MRTFB: variants seen among roughly 807,000 people sequenced by gnomAD.
The protein encoded by MRTFB is myocardin related transcription factor B.
Under a neutral mutation model 104.2 loss-of-function variants are expected in MRTFB, and 29 were observed. The ratio of observed to expected loss-of-function variants is 0.28; its 90% CI spans 0.21 to 0.38. MRTFB has a LOEUF of 0.38. Ranked by LOEUF, MRTFB falls within the 10% of genes least tolerant of loss-of-function variation. MRTFB has a pLI of 1.00. For synonymous variants in MRTFB, 535 were observed against 519.5 expected (o/e 1.03, Z -0.41); for missense variants, 1,270 against 1,341.6 (o/e 0.95, Z 0.83).
chr16:14,183,868 A>G (rs2039851731), intron 3 of MRTFB, among the ~76,000 whole-genome samples: 1 of 152,116 alleles, frequency 6.6e-6, no homozygotes, highest in South Asian at 2.1e-4. Context: ...GAGATCTATT[A>G]GATACAAAAA....
chr16:14,105,409 T>C (rs1205114229), intron 2 of MRTFB, among the ~76,000 whole-genome samples: 1 of 152,286 alleles, frequency 6.6e-6, no homozygotes, highest in East Asian at 1.9e-4. Flanking sequence ...ATGATTTTTT[T>C]TTTTTTGAGA....
the MRTFB span, among the ~76,000 whole-genome samples, chr16:14,005,328 G>C: frequency 1.3e-5 from 2 of 152,208 alleles, no homozygotes; most frequent in Non-Finnish European, 2.9e-5. Context: ...TACTCAGGGA[G>C]TACTGATTGA....
At chr16:14,260,636 A>G (rs2043733275) in intron 16 of MRTFB, among the ~76,000 whole-genome samples, 2 of 152,222 alleles carry the variant, frequency 1.3e-5, no homozygotes, top group African/African-American at 4.8e-5. Context: ...AGCATATCAG[A>G]ATGTAATAAA....
At chr16:14,005,565 C>T in the MRTFB span, among the ~76,000 whole-genome samples, 1 of 152,154 alleles carries the variant, frequency 6.6e-6, no homozygotes, top group African/African-American at 2.4e-5. Context: ...TGTTGAGAGG[C>T]CATGCTGGTA....
intron 3 of MRTFB, among the ~76,000 whole-genome samples, chr16:14,190,303 G>A (rs916337664): frequency 2.6e-5 from 4 of 152,102 alleles, no homozygotes; most frequent in Non-Finnish European, 4.4e-5. Context: ...GTCTACAAAC[G>A]GCTTCAAACA....
At chr16:14,144,062 G>A (rs2038165602) in intron 3 of MRTFB, 1 of 152,180 alleles carries the variant, frequency 6.6e-6, no homozygotes, top group Non-Finnish European at 1.5e-5. Context: ...TGGGAATAAT[G>A]TATTGGTTTT....
At chr16:14,114,242 C>A (rs1385805234) in intron 2 of MRTFB, among the ~76,000 whole-genome samples, 1 of 152,200 alleles carries the variant, frequency 6.6e-6, no homozygotes, top group Non-Finnish European at 1.5e-5. Context: ...TAGTGCTTTA[C>A]AAAGTTGGCA....
At chr16:14,147,969 T>C (rs2038405981) in intron 3 of MRTFB, among the ~76,000 whole-genome samples, 1 of 152,192 alleles carries the variant, frequency 6.6e-6, no homozygotes, top group South Asian at 2.1e-4. Flanking sequence ...TTTAGACAAC[T>C]TTTCTATAGT....
chr16:14,104,453 A>G (rs2035867135), intron 2 of MRTFB, among the ~76,000 whole-genome samples: 1 of 152,192 alleles, frequency 6.6e-6, no homozygotes, highest in African/African-American at 2.4e-5. Flanking sequence ...ATGCCTGTAC[A>G]TTTTACACTC....
At chr16:14,226,066 G>A (rs1175037373) in intron 8 of MRTFB, among the ~76,000 whole-genome samples, 2 of 152,104 alleles carry the variant, frequency 1.3e-5, no homozygotes, top group Non-Finnish European at 2.9e-5. Flanking sequence ...AGAGGAGAAT[G>A]GAATCAAAAC....
intron 3 of MRTFB, among the ~76,000 whole-genome samples, chr16:14,176,395 T>C (rs1055055600): frequency 6.6e-5 from 10 of 152,224 alleles, no homozygotes; most frequent in African/African-American, 2.4e-4. Flanking sequence ...CAAGTGTTGA[T>C]GTTGAGAGAA....
Position 14,140,699 on chromosome 16 carries a change from A to G in MRTFB, c.93A>G (p.Glu31=). The G allele has an allele frequency of 6.2e-7, 1 of 1,614,160 alleles. No individual in the cohort carries two copies. Among genetic ancestry groups the G allele is most frequent in the Non-Finnish European group, 8.5e-7 (1 of 1,180,026 alleles). The change falls in exon 3 of 17, where the codon GAA becomes GAG. Residue 31 remains glutamate, a synonymous_variant. Transcript: ENST00000571589. ...CTCAGAGTGAAGCTGTGGCTCATGA[A>G]TTCCAGGAACTCTCCTTGCAGTCCA... is the stretch of plus-strand genomic sequence containing the variant. ...PSPQSEAVAH[E]FQELSLQSSQ...
chr16:14,252,280 T>C (rs1278062667), intron 14 of MRTFB, 85 bp from the exon 15 acceptor site: 3 of 1,543,216 alleles, frequency 1.9e-6, no homozygotes, highest in Non-Finnish European at 2.6e-6. Context: ...GGCCACTACA[T>C]AGAGAACAGC....
At chr16:14,193,174 C>T (rs1043176806) in intron 3 of MRTFB, among the ~76,000 whole-genome samples, 1 of 122,744 alleles carries the variant, frequency 8.1e-6, no homozygotes, top group Non-Finnish European at 1.6e-5. Context: ...TATTGCGTCA[C>T]TGCACTCCAA....
At position 14,231,362 on chromosome 16, in the gene MRTFB, T is replaced by TTAAG. The variant is rs1197949049; in HGVS notation, c.694-2781_694-2778dup. Among the ~76,000 whole-genome samples, 94 of 152,202 alleles carry TTAAG rather than the reference T, an allele frequency of 6.2e-4. 1 individual carries two copies. Among genetic ancestry groups the TTAAG allele is most frequent in the Admixed American group, 2.6e-4 (4 of 15,280 alleles). On this transcript the variant is annotated intron_variant, in intron 8 of 16. Transcript: ENST00000571589. ...GAATTTACTGTGGAACAAAATAAGTTTAAGTATCTCTTATGGCCTGAATAC... is the reference window on the plus strand; with the variant it reads ...GAATTTACTGTGGAACAAAATAAGTTTAAGTAAGTATCTCTTATGGCCTGAATAC...
At chr16:14,249,557 T>C (rs2043167664) in intron 13 of MRTFB, among the ~76,000 whole-genome samples, 1 of 152,168 alleles carries the variant, frequency 6.6e-6, no homozygotes, top group Non-Finnish European at 1.5e-5. Flanking sequence ...TCTTATCAAT[T>C]CCAGTTCACC....
At chr16:14,193,210 CAAAAAAAAAAAAAAAAAA>C (rs10616011) in intron 3 of MRTFB, among the ~76,000 whole-genome samples, 3 of 56,438 alleles carry the variant, frequency 5.3e-5, no homozygotes, top group Non-Finnish European at 9.2e-5. Context: ...GACCCTGTCT[CAAAAAAAAAAAAAAAAAA>C]AAAAAAAAAA....
chr16:14,206,262 A>G (rs1219567378), intron 3 of MRTFB, among the ~76,000 whole-genome samples: 1 of 152,184 alleles, frequency 6.6e-6, no homozygotes, highest in Non-Finnish European at 1.5e-5. Flanking sequence ...AGTCGTGGAT[A>G]AGCACCAGTA....
chr16:14,237,977 G>T (rs2042595852), intron 9 of MRTFB, among the ~76,000 whole-genome samples: 1 of 152,208 alleles, frequency 6.6e-6, no homozygotes, highest in African/African-American at 2.4e-5. Context: ...CAAGTTTAAA[G>T]TGAGACTTGT....
Sources: allele counts gnomAD v4.1 joint callset (sites outside exome capture counted in the v4.1 genomes callset), GRCh38; gene constraint gnomAD v4.1.1; transcripts MANE v1.5; gene names NCBI Gene and HGNC (gene_info 2026-07-23, HGNC 2026-07-21).